The following ACAD10 variants were observed in gnomAD, a reference collection of about 807,000 sequenced individuals.
The protein encoded by ACAD10 is acyl-CoA dehydrogenase family member 10, also known as ACAD-10.
In ACAD10, 112 loss-of-function variants were observed where a neutral mutation model predicts 116.8. The observed-to-expected ratio is 0.96, with a 90% confidence interval of 0.82 to 1.12. ACAD10 has a LOEUF of 1.12. Ranked by LOEUF, ACAD10 falls within the 50% of genes most tolerant of loss-of-function variation. ACAD10 has a pLI of 0.00. For synonymous variants in ACAD10, 486 were observed against 510.6 expected (o/e 0.95, Z 0.65); for missense variants, 1,259 against 1,350.2 (o/e 0.93, Z 1.06).
intron 5 of ACAD10, among the ~76,000 whole-genome samples, chr12:111,711,522 A>ATT (rs1176078999): frequency 2.4e-4 from 26 of 107,278 alleles, no homozygotes; most frequent in African/African-American, 2.9e-4. Flanking sequence ...CTGTGCTAAA[A>ATT]TTTTTTTTTT....
At chr12:111,728,172 G>T (rs1186362001) in intron 9 of ACAD10, 29 bp downstream of exon 9, 1 of 1,561,888 alleles carries the variant, frequency 6.4e-7, no homozygotes, top group Non-Finnish European at 8.7e-7. Context: ...CTCCCATGCT[G>T]GTTGTTTCAT....
At chr12:111,693,071 T>G (rs1289849213) in intron 2 of ACAD10, 175 bp downstream of exon 2, 5 of 636,934 alleles carry the variant, frequency 7.9e-6, no homozygotes, top group Non-Finnish European at 1.3e-5. Context: ...GGGCGCATGA[T>G]TCAGCTTCTC....
intron 11 of ACAD10, 54 bp downstream of exon 11, chr12:111,734,122 TG>T (rs2135979014): frequency 1.9e-6 from 3 of 1,610,618 alleles, no homozygotes; most frequent in Non-Finnish European, 2.5e-6. Flanking sequence ...TCCAAGCATT[TG>T]GGAGCAAACT....
chr12:111,690,481 A>G (rs1420927204), intron 1 of ACAD10: 1 of 151,728 alleles, frequency 6.6e-6, no homozygotes, highest in African/African-American at 2.4e-5. Flanking sequence ...GGGATGCTCA[A>G]CCTCTACAGT....
intron 7 of ACAD10, among the ~76,000 whole-genome samples, chr12:111,721,468 T>G (rs923463078): frequency 1.1e-4 from 16 of 152,178 alleles, no homozygotes; most frequent in Non-Finnish European, 7.3e-5. Context: ...CTCAGGAGGC[T>G]GAGGCCTGAG....
chr12:111,721,023 G>A (rs760953838), intron 7 of ACAD10, among the ~76,000 whole-genome samples: 6 of 151,758 alleles, frequency 4.0e-5, no homozygotes, highest in East Asian at 1.9e-4. Flanking sequence ...GGCTCAAGCA[G>A]TCCTCCCCCT....
intron 3 of ACAD10, 31 bp downstream of exon 3, chr12:111,702,341 T>C (rs1319626978): frequency 1.2e-5 from 19 of 1,603,990 alleles, no homozygotes; most frequent in Non-Finnish European, 1.5e-5. Context: ...CATTTCCATA[T>C]TTTTCTTTTT....
intron 4 of ACAD10, among the ~76,000 whole-genome samples, 159 bp downstream of exon 4, chr12:111,706,091 CT>C (rs1346377277): frequency 1.3e-5 from 2 of 152,298 alleles, no homozygotes; most frequent in African/African-American, 2.4e-5. Flanking sequence ...AAAACAGACC[CT>C]TTAAGATATC....
intron 5 of ACAD10, among the ~76,000 whole-genome samples, chr12:111,711,239 C>T (rs1246192856): frequency 6.6e-6 from 1 of 152,154 alleles, no homozygotes; most frequent in Non-Finnish European, 1.5e-5. Flanking sequence ...CTCATTCTGT[C>T]GCCCAGGCTG....
chr12:111,753,833 T>G lies in ACAD10; in HGVS notation c.2879T>G (p.Ile960Ser). Residue 960 changes from isoleucine to serine, a missense_variant, in exon 19 of 21, where the codon ATC becomes AGC. Physicochemically the swap from Ile to Ser is moderately radical, Grantham distance 142. Transcript: ENST00000313698. Reference sequence around the variant, plus strand: ...GAGCAGGGCACAGTGCTGGCGGACATCGCGCAGTCGCGCGTGGAGATTGAG... The same window carrying G: ...GAGCAGGGCACAGTGCTGGCGGACAGCGCGCAGTCGCGCGTGGAGATTGAG... ...LVEQGTVLAD[I>S]AQSRVEIEQA... 1 of 1,613,996 alleles carries G rather than the reference T, an allele frequency of 6.2e-7. No homozygotes were observed. The highest frequency in any genetic ancestry group is 8.5e-7 in the Non-Finnish European group (1 of 1,180,034).
At chr12:111,743,398 T>A (rs1158466449) in intron 12 of ACAD10, among the ~76,000 whole-genome samples, 1 of 150,506 alleles carries the variant, frequency 6.6e-6, no homozygotes, top group Non-Finnish European at 1.5e-5. Flanking sequence ...AAATGGAGTC[T>A]CGCTCTGTTG....
At position 111,756,985 on chromosome 12, in the gene ACAD10, G is replaced by C. The variant is rs1396083687; in HGVS notation, c.*512G>C. On this transcript the variant is annotated 3_prime_UTR_variant, in exon 21 of 21. Coordinates refer to ENST00000313698, the MANE Select transcript of ACAD10 (RefSeq NM_025247.6). ...AATGGAATGCAACCCACATTGTAAA[G>C]CCACTGGCATCTGATTATCTCCATT... 2 of 427,770 alleles carry C rather than the reference G, an allele frequency of 4.7e-6. No homozygotes were observed. The highest frequency in any genetic ancestry group is 9.4e-6 in the Non-Finnish European group (2 of 212,114). The allele number at this position is 427,770 out of a possible 1,614,324, so 26.5% of individuals were successfully genotyped here. A position where few individuals can be genotyped will look rare whatever the true frequency, so the allele number is the denominator to read the frequency against.
chr12:111,697,584 CTT>C (rs762619644), intron 2 of ACAD10, among the ~76,000 whole-genome samples: 19 of 120,506 alleles, frequency 1.6e-4, no homozygotes, highest in Admixed American at 2.7e-4. Context: ...TGGTCTCTCT[CTT>C]TTTTTTTTTT....
chr12:111,734,942 G>A (rs1444101407), intron 11 of ACAD10, among the ~76,000 whole-genome samples: 1 of 151,968 alleles, frequency 6.6e-6, no homozygotes, highest in African/African-American at 2.4e-5. Flanking sequence ...AAGGGAAGAC[G>A]GCCGGGCGCG....
intron 2 of ACAD10, chr12:111,693,165 C>A (rs899383956): frequency 4.4e-6 from 2 of 458,552 alleles, no homozygotes; most frequent in South Asian, 4.9e-5. Flanking sequence ...CCGTGGGAAG[C>A]ACTTGCTTAG....
At chr12:111,745,111 T>C in intron 13 of ACAD10, 68 bp downstream of exon 13, 1 of 1,503,238 alleles carries the variant, frequency 6.7e-7, no homozygotes, top group Non-Finnish European at 8.9e-7. Flanking sequence ...CCCACCGGGC[T>C]CACCTGAACC....
chr12:111,710,783 G>C (rs1188535048), intron 5 of ACAD10, among the ~76,000 whole-genome samples: 1 of 151,958 alleles, frequency 6.6e-6, no homozygotes, highest in Admixed American at 6.6e-5. Flanking sequence ...ACGCCCGGCC[G>C]TGAATCTTTT....
In ACAD10 at chr12:111,692,696, G is replaced by A; in HGVS notation, c.-13-1G>A. On this transcript the variant is annotated splice_acceptor_variant, in intron 1 of 20. Transcript: ENST00000313698. LOFTEE classifies it low-confidence loss of function (5UTR_SPLICE). Reference sequence around the variant, plus strand: ...ACGCCCTGTGCCTTCTTCCCACACAGCCTCAGCCTCACCATGTGTGTCAGG... The same window carrying A: ...ACGCCCTGTGCCTTCTTCCCACACAACCTCAGCCTCACCATGTGTGTCAGG... 1 of 1,611,466 alleles carries A rather than the reference G, an allele frequency of 6.2e-7. No homozygotes were observed. Among genetic ancestry groups the A allele is most frequent in the Non-Finnish European group, 8.5e-7 (1 of 1,178,978 alleles).
chr12:111,746,433 G>C, intron 14 of ACAD10, 149 bp downstream of exon 14: 1 of 949,346 alleles, frequency 1.1e-6, no homozygotes, highest in Non-Finnish European at 1.5e-6. Flanking sequence ...TGTCACCCAG[G>C]CTGGAGTGTA....
Sources: gnomAD v4.1 joint callset for allele counts (sites outside exome capture counted in the v4.1 genomes callset) on GRCh38, gnomAD v4.1.1 for gene constraint, MANE v1.5 for transcripts, NCBI Gene and HGNC (gene_info 2026-07-23, HGNC 2026-07-21) for gene names.